Variants in UGT2A2 observed in about 807,000 individuals in gnomAD.
UGT2A2 encodes UDP glucuronosyltransferase family 2 member A2.
UGT2A2 carries 60 observed loss-of-function variants against 50.7 expected under a neutral mutation model. That is an observed-to-expected ratio of 1.18 (90% CI 0.96 to 1.47). The LOEUF is 1.47. Among genes scored for constraint, UGT2A2 ranks in the 40% most tolerant of loss-of-function variants. UGT2A2 has a pLI of 0.00. For missense variants in UGT2A2, 762 were observed against 634.0 expected (o/e 1.20, Z -2.17); for synonymous variants, 242 against 214.6 (o/e 1.13, Z -1.11).
intron 1 of UGT2A2, chr4:69,599,683 T>G (rs1279021946): frequency 1.8e-4 from 42 of 237,570 alleles, no homozygotes; most frequent in Middle Eastern, 1.2e-3. Context: ...AAGAAAGAGG[T>G]AGAAATAAAG....
At chr4:69,599,635 G>A (rs1719143599) in intron 1 of UGT2A2, 2 of 419,184 alleles carry the variant, frequency 4.8e-6, no homozygotes, top group South Asian at 5.8e-5. Flanking sequence ...CAAGCAGGGA[G>A]GGAGAGAGAG....
In UGT2A2 at chr4:69,635,130, A is replaced by T. The variant is rs187634249; in HGVS notation, c.742+3769T>A. ...AAGAAAGTTTAAAAATAAAAATAAA[A>T]ATAAATTTAAAAAGAGGAGTAAGGA... On this transcript the variant is annotated intron_variant, in intron 1 of 5. Coordinates refer to ENST00000604629, the MANE Select transcript of UGT2A2 (RefSeq NM_001105677.2). Among the ~76,000 whole-genome samples the T allele has an allele frequency of 8.0e-4, 122 of 152,298 alleles. 2 individuals carry two copies. In the East Asian group the frequency reaches 0.019, roughly 23 times the overall value.
intron 5 of UGT2A2, among the ~76,000 whole-genome samples, chr4:69,594,157 G>T (rs1371358414): frequency 1.3e-5 from 2 of 151,778 alleles, no homozygotes; most frequent in Non-Finnish European, 2.9e-5. Context: ...TGTATTTTTA[G>T]TAGAGACAGG....
intron 1 of UGT2A2, among the ~76,000 whole-genome samples, chr4:69,624,509 T>C (rs1720925198): frequency 6.6e-6 from 1 of 151,602 alleles, no homozygotes; most frequent in East Asian, 1.9e-4. Flanking sequence ...TGCTACTTTT[T>C]TTAAGTTACC....
intron 1 of UGT2A2, among the ~76,000 whole-genome samples, chr4:69,621,859 G>A (rs1161010734): frequency 1.3e-5 from 2 of 151,856 alleles, no homozygotes; most frequent in African/African-American, 4.8e-5. Flanking sequence ...CAGGAACATA[G>A]ATGGAGCTGG....
intron 1 of UGT2A2, among the ~76,000 whole-genome samples, chr4:69,600,623 T>A (rs755000756): frequency 3.3e-5 from 5 of 152,128 alleles, no homozygotes; most frequent in Non-Finnish European, 7.4e-5. Flanking sequence ...CTGAGTAATT[T>A]ATTTTTTTAA....
In UGT2A2 at chr4:69,589,528, A is replaced by C. The variant is rs1324390548; in HGVS notation, c.1455T>G (p.Val485=). 1 of 1,614,136 alleles carries C rather than the reference A, an allele frequency of 6.2e-7. No individual in the cohort carries two copies. Among genetic ancestry groups the C allele is most frequent in the Admixed American group, 1.7e-5 (1 of 60,020 alleles). ...MRHKGAKHLR[V]AAHDLTWFQY... is the part of the protein sequence containing the mutation. ...GGAACCAGGTGAGGTCATGGGCTGCAACCCGAAGGTGCTTGGCTCCTTTGT... is the reference window on the plus strand; with the variant it reads ...GGAACCAGGTGAGGTCATGGGCTGCCACCCGAAGGTGCTTGGCTCCTTTGT... Residue 485 remains valine (V), a synonymous_variant, in exon 6 of 6, where the codon GTT becomes GTG. Coordinates refer to ENST00000604629, the MANE Select transcript of UGT2A2 (RefSeq NM_001105677.2).
At chr4:69,632,061 TA>T (rs1161790538) in intron 1 of UGT2A2, among the ~76,000 whole-genome samples, 5 of 152,224 alleles carry the variant, frequency 3.3e-5, no homozygotes, top group Admixed American at 2.0e-4. Context: ...ATGTGATGTA[TA>T]TTAACTTTAT....
chr4:69,601,019 TG>T (rs1462891419), intron 1 of UGT2A2, among the ~76,000 whole-genome samples: 2 of 152,132 alleles, frequency 1.3e-5, no homozygotes, highest in Non-Finnish European at 2.9e-5. Context: ...GCTTATGACC[TG>T]GGGCATTTTT....
chr4:69,613,313 A>G (rs1195527818), intron 1 of UGT2A2, among the ~76,000 whole-genome samples: 1 of 152,014 alleles, frequency 6.6e-6, no homozygotes, highest in East Asian at 1.9e-4. Context: ...ACGAGGCATT[A>G]TCAAATAATG....
intron 1 of UGT2A2, among the ~76,000 whole-genome samples, chr4:69,622,329 A>T (rs182317160): frequency 6.6e-6 from 1 of 151,972 alleles, no homozygotes; most frequent in East Asian, 1.9e-4. Flanking sequence ...AAAGTTAGAG[A>T]TCAAAACATA....
chr4:69,595,108 TACTTA>T lies in UGT2A2; in HGVS notation c.1111+49_1111+53del, dbSNP rs981908332. 2.5e-6 allele frequency: 4 copies of T among 1,594,812 alleles called. No homozygotes were observed. In the African/African-American group the frequency reaches 4.0e-5, roughly 16 times the overall value. On this transcript the variant is annotated intron_variant, in intron 4 of 5. Coordinates refer to ENST00000604629, the MANE Select transcript of UGT2A2 (RefSeq NM_001105677.2). ...TTGAATTTATTTGCTATTAAACAGT[TACTTA>T]ACTTGTCTATTGTCCCACTGTACAG...
At chr4:69,636,557 G>A (rs188861587) in intron 1 of UGT2A2, among the ~76,000 whole-genome samples, 136 of 152,190 alleles carry the variant, frequency 8.9e-4, no homozygotes, top group African/African-American at 3.2e-3. Flanking sequence ...GAGAAGTTGA[G>A]AACTTGCTGT....
At chr4:69,599,956 T>G (rs1383805433) in intron 1 of UGT2A2, among the ~76,000 whole-genome samples, 2 of 152,184 alleles carry the variant, frequency 1.3e-5, no homozygotes, top group Non-Finnish European at 2.9e-5. Flanking sequence ...TCAGAGGCAT[T>G]GCTAGCATGC....
intron 1 of UGT2A2, among the ~76,000 whole-genome samples, chr4:69,609,304 A>T (rs1719887162): frequency 6.6e-6 from 1 of 151,828 alleles, no homozygotes; most frequent in South Asian, 2.1e-4. Context: ...GGTGCACAAC[A>T]CCAAACCTAG....
chr4:69,590,130 ATAAT>A (rs1718503838), intron 5 of UGT2A2, among the ~76,000 whole-genome samples: 1 of 152,220 alleles, frequency 6.6e-6, no homozygotes, highest in African/African-American at 2.4e-5. Context: ...AGGCATTGTG[ATAAT>A]TACTCTGTGG....
At chr4:69,598,655 TG>T (rs2109888365) in intron 2 of UGT2A2, among the ~76,000 whole-genome samples, 1 of 152,302 alleles carries the variant, frequency 6.6e-6, no homozygotes, top group African/African-American at 2.4e-5. Flanking sequence ...AACTCCTTTT[TG>T]TTCCTTACAG....
At chr4:69,596,579 G>A (rs1967983) in intron 2 of UGT2A2, among the ~76,000 whole-genome samples, 198 bp from the exon 3 acceptor site, 59,307 of 151,984 alleles carry the variant, frequency 0.39, 11,840 homozygotes, top group East Asian at 0.56. Flanking sequence ...CTGGAGCGCA[G>A]TGGCATGATC....
At chr4:69,611,577 G>T (rs192399776) in intron 1 of UGT2A2, among the ~76,000 whole-genome samples, 1 of 151,944 alleles carries the variant, frequency 6.6e-6, no homozygotes, top group Non-Finnish European at 1.5e-5. Context: ...TGTTAGCATA[G>T]AAATACTTCT....
Sources: gnomAD v4.1 joint callset for allele counts (sites outside exome capture counted in the v4.1 genomes callset) on GRCh38, gnomAD v4.1.1 for gene constraint, MANE v1.5 for transcripts, NCBI Gene and HGNC (gene_info 2026-07-23, HGNC 2026-07-21) for gene names.